Variants in DLG2 observed in about 807,000 individuals in gnomAD.
The protein encoded by DLG2 is discs large MAGUK scaffold protein 2.
In DLG2, 45 loss-of-function variants were observed where a neutral mutation model predicts 132.5. The observed-to-expected ratio is 0.34, with a 90% CI of 0.27 to 0.44. The LOEUF (loss-of-function observed/expected upper bound fraction) is 0.44. Ranked by LOEUF, DLG2 falls within the 20% of genes least tolerant of loss-of-function variation. The pLI is 1.00. For missense variants in DLG2, 1,045 were observed against 1,196.9 expected, an observed-to-expected ratio of 0.87 and a Z score of 1.87; for synonymous variants, 424 against 419.6, an observed-to-expected ratio of 1.01 and a Z score of -0.13.
At chr11:83,483,217 A>T (rs776544320) in intron 22 of DLG2, 2 of 1,591,354 alleles carry the variant, frequency 1.3e-6, no homozygotes, top group South Asian at 2.2e-5. Context: ...AAGGAAAAGA[A>T]AAGAAAAGTT....
At chr11:84,672,262 G>C (rs2099706710) in intron 6 of DLG2, among the ~76,000 whole-genome samples, 1 of 152,112 alleles carries the variant, frequency 6.6e-6, no homozygotes, top group South Asian at 2.1e-4. Flanking sequence ...TTCTTCAAGA[G>C]AGATCCAACT....
chr11:85,469,922 G>A (rs2092926904), intron 3 of DLG2, among the ~76,000 whole-genome samples: 1 of 152,028 alleles, frequency 6.6e-6, no homozygotes, highest in East Asian at 1.9e-4. Flanking sequence ...TCTATTCCAA[G>A]GCCTCCAGTA....
chr11:84,175,811 C>T (rs2095947425), intron 8 of DLG2, among the ~76,000 whole-genome samples: 1 of 151,988 alleles, frequency 6.6e-6, no homozygotes, highest in Non-Finnish European at 1.5e-5. Flanking sequence ...AAGGTCATAC[C>T]AGTATTTCCA....
intron 6 of DLG2, among the ~76,000 whole-genome samples, chr11:85,027,583 G>A (rs1280504562): frequency 1.3e-5 from 2 of 152,250 alleles, no homozygotes; most frequent in Non-Finnish European, 2.9e-5. Context: ...ATGAGCGAAT[G>A]AGCATGGGGT....
chr11:84,390,285 C>T (rs1408042887), intron 7 of DLG2, among the ~76,000 whole-genome samples: 1 of 152,048 alleles, frequency 6.6e-6, no homozygotes, highest in Non-Finnish European at 1.5e-5. Context: ...ATAATAGAGT[C>T]CACTGGTAAT....
At chr11:85,372,748 TG>T (rs2085087990) in intron 3 of DLG2, among the ~76,000 whole-genome samples, 1 of 152,254 alleles carries the variant, frequency 6.6e-6, no homozygotes, top group Admixed American at 6.5e-5. Flanking sequence ...ACAGCCACTT[TG>T]GCACTCATGG....
chr11:84,065,308 G>T (rs140007105), intron 10 of DLG2, among the ~76,000 whole-genome samples: 58 of 152,194 alleles, frequency 3.8e-4, no homozygotes, highest in Middle Eastern at 6.8e-3. Context: ...GAAAATATTT[G>T]CAAGCTACTC....
intron 6 of DLG2, among the ~76,000 whole-genome samples, chr11:84,644,537 T>A (rs916732899): frequency 7.3e-5 from 11 of 151,566 alleles, no homozygotes. Context: ...AAACCCCGTC[T>A]CTACTAAAAA....
chr11:85,368,633 C>A (rs79669424), intron 3 of DLG2, among the ~76,000 whole-genome samples: 3 of 152,228 alleles, frequency 2.0e-5, no homozygotes, highest in Non-Finnish European at 1.5e-5. Context: ...TCAGAACCAA[C>A]GCTTTCAATT....
intron 3 of DLG2, among the ~76,000 whole-genome samples, chr11:85,595,489 C>T (rs1034706573): frequency 1.3e-5 from 2 of 152,052 alleles, no homozygotes; most frequent in Non-Finnish European, 2.9e-5. Flanking sequence ...CACCCTAAGC[C>T]TAGCATCTAA....
chr11:84,626,132 G>T (rs922230657), intron 6 of DLG2, among the ~76,000 whole-genome samples: 1 of 152,310 alleles, frequency 6.6e-6, no homozygotes, highest in East Asian at 1.9e-4. Context: ...TGAGGCAGGC[G>T]TGTTGCCCCT....
intron 7 of DLG2, among the ~76,000 whole-genome samples, chr11:84,307,973 G>C (rs1377560465): frequency 6.6e-6 from 1 of 152,186 alleles, no homozygotes; most frequent in Non-Finnish European, 1.5e-5. Flanking sequence ...CTTCTGCGGT[G>C]AGTGTTACAG....
intron 7 of DLG2, among the ~76,000 whole-genome samples, chr11:84,472,286 T>C (rs905607440): frequency 6.6e-6 from 1 of 151,936 alleles, no homozygotes; most frequent in African/African-American, 2.4e-5. Flanking sequence ...GGCTCATACA[T>C]AAACCAGCAC....
At chr11:83,615,498 G>A (rs1248309327) in intron 19 of DLG2, among the ~76,000 whole-genome samples, 2 of 152,068 alleles carry the variant, frequency 1.3e-5, no homozygotes, top group Non-Finnish European at 2.9e-5. Flanking sequence ...CCTAATCCCT[G>A]GAATCTGTAA....
At chr11:85,075,346 G>A (rs2066387763) in intron 6 of DLG2, among the ~76,000 whole-genome samples, 1 of 151,818 alleles carries the variant, frequency 6.6e-6, no homozygotes, top group Non-Finnish European at 1.5e-5. Context: ...TGAAGGATGT[G>A]TGTCTAAGGA....
At chr11:84,431,894 T>C (rs1264328680) in intron 7 of DLG2, among the ~76,000 whole-genome samples, 1 of 152,160 alleles carries the variant, frequency 6.6e-6, no homozygotes, top group Non-Finnish European at 1.5e-5. Context: ...TCATTGGCAA[T>C]CTTTTTTTTA....
intron 6 of DLG2, among the ~76,000 whole-genome samples, chr11:84,880,160 C>A (rs900965968): frequency 2.0e-5 from 3 of 152,056 alleles, no homozygotes; most frequent in African/African-American, 2.4e-5. Context: ...AGATCAAATA[C>A]TGGAGAAAGA....
At chr11:84,673,780 A>C (rs2099708502) in intron 6 of DLG2, among the ~76,000 whole-genome samples, 1 of 152,114 alleles carries the variant, frequency 6.6e-6, no homozygotes, top group South Asian at 2.1e-4. Context: ...AGAGTCTGCA[A>C]GATATTTAAA....
chr11:83,513,622 G>A (rs2095156329), intron 21 of DLG2, among the ~76,000 whole-genome samples: 2 of 152,152 alleles, frequency 1.3e-5, no homozygotes, highest in Admixed American at 1.3e-4. Context: ...GTCCTGAATG[G>A]TATTGCCTAG....
Sources: allele counts gnomAD v4.1 joint callset (sites outside exome capture counted in the v4.1 genomes callset), GRCh38; gene constraint gnomAD v4.1.1; transcripts MANE v1.5; gene names NCBI Gene and HGNC (gene_info 2026-07-23, HGNC 2026-07-21).